SLIT3: variants seen among roughly 807,000 people sequenced by gnomAD.
SLIT3 encodes slit homolog 3 protein.
Under a neutral mutation model 184.0 loss-of-function variants are expected in SLIT3, and 68 were observed. That is an observed-to-expected ratio of 0.37 (90% CI 0.30 to 0.45). The LOEUF (loss-of-function observed/expected upper bound fraction) is 0.45. Among genes scored for constraint, SLIT3 ranks in the 20% least tolerant of loss-of-function variants. The pLI is 1.00. For synonymous variants in SLIT3, 831 were observed against 828.6 expected, an observed-to-expected ratio of 1.00 and a Z score of -0.05; for missense variants, 1,707 against 2,026.0, an observed-to-expected ratio of 0.84 and a Z score of 3.02.
At chr5:168,791,471 TTTA>T (rs1242406532) in intron 10 of SLIT3, 3 of 152,178 alleles carry the variant, frequency 2.0e-5, no homozygotes, top group Non-Finnish European at 2.9e-5. Flanking sequence ...TGTCTTTTTC[TTTA>T]TTATTATAAA....
intron 5 of SLIT3, among the ~76,000 whole-genome samples, chr5:168,857,226 A>C (rs537029130): frequency 2.0e-5 from 3 of 152,244 alleles, no homozygotes; most frequent in Non-Finnish European, 4.4e-5. Flanking sequence ...GAAATTTCTG[A>C]AGAAATTTCT....
intron 4 of SLIT3, among the ~76,000 whole-genome samples, chr5:169,154,766 T>A (rs1762242860): frequency 6.6e-6 from 1 of 152,236 alleles, no homozygotes; most frequent in Admixed American, 6.5e-5. Context: ...AGTTATTACC[T>A]TGGGTGGTGT....
chr5:168,819,480 G>A (rs1757450564), intron 7 of SLIT3, among the ~76,000 whole-genome samples: 1 of 152,210 alleles, frequency 6.6e-6, no homozygotes, highest in South Asian at 2.1e-4. Flanking sequence ...ACCTTTTAAT[G>A]AGCGTTTGGC....
chr5:169,203,021 G>C (rs1217175259), intron 3 of SLIT3, among the ~76,000 whole-genome samples: 3 of 152,116 alleles, frequency 2.0e-5, no homozygotes, highest in East Asian at 3.9e-4. Flanking sequence ...AGAAACGAAG[G>C]GGGTGAGGGA....
chr5:168,748,465 G>A (rs748497593), intron 19 of SLIT3, 31 bp from the exon 20 acceptor site: 4 of 1,505,834 alleles, frequency 2.7e-6, no homozygotes, highest in South Asian at 1.3e-5. Flanking sequence ...GGTGAGGGTT[G>A]TGGGAGATAA....
chr5:169,103,066 G>A lies in SLIT3; in HGVS notation c.413+90413C>T, dbSNP rs1002948454. On this transcript the variant is annotated intron_variant, in intron 4 of 35. Transcript: ENST00000519560. ...TTTTTTGAGTGATTACTTCATCCAC[G>A]CCCTACTCATGGTATTGTACATGCA... 3.3e-5 allele frequency among the ~76,000 whole-genome samples: 5 copies of A among 152,100 alleles called. No homozygotes were observed. In the South Asian group the frequency reaches 6.2e-4, roughly 19 times the overall value.
intron 20 of SLIT3, among the ~76,000 whole-genome samples, chr5:168,735,120 G>T (rs1393773017): frequency 6.6e-6 from 1 of 152,166 alleles, no homozygotes; most frequent in Non-Finnish European, 1.5e-5. Flanking sequence ...ACCAGCCTTA[G>T]AACTGCCGGA....
chr5:169,098,855 C>G (rs905231904), intron 4 of SLIT3, among the ~76,000 whole-genome samples: 1 of 152,084 alleles, frequency 6.6e-6, no homozygotes, highest in African/African-American at 2.4e-5. Context: ...CTTGAGAAGC[C>G]GGAGGAATTC....
At chr5:169,193,612 G>T in intron 3 of SLIT3, 62 bp from the exon 4 acceptor site, 1 of 1,216,326 alleles carries the variant, frequency 8.2e-7, no homozygotes, top group Non-Finnish European at 1.2e-6. Flanking sequence ...AACGTATTCA[G>T]ATACCACTTT....
intron 4 of SLIT3, among the ~76,000 whole-genome samples, chr5:168,990,885 G>A (rs1326748014): frequency 6.6e-6 from 1 of 152,182 alleles, no homozygotes. Flanking sequence ...GCTGCCACGA[G>A]TAACAGCAGC....
At chr5:168,721,478 G>A (rs1358815206) in intron 23 of SLIT3, among the ~76,000 whole-genome samples, 1 of 152,164 alleles carries the variant, frequency 6.6e-6, no homozygotes, top group East Asian at 1.9e-4. Context: ...CTGATTTTAT[G>A]GATGAGAAGA....
intron 4 of SLIT3, among the ~76,000 whole-genome samples, chr5:168,971,671 G>A (rs62377247): frequency 0.04 from 6,038 of 152,294 alleles, 156 homozygotes; most frequent in Middle Eastern, 0.065. Context: ...TATCTGTAGA[G>A]ACAAATGCAT....
rs549755971 is a variant in SLIT3, at chr5:169,198,201, G to A, written c.342-4651C>T. On this transcript the variant is annotated intron_variant, in intron 3 of 35. Coordinates refer to ENST00000519560, the MANE Select transcript of SLIT3 (RefSeq NM_003062.4). ...CTTCTTTTAAAAATGTCATATGCTA[G>A]TGAAGAAGACAGACCTGAAAACAAA... Among the ~76,000 whole-genome samples, 5 of 152,334 alleles carry A rather than the reference G, an allele frequency of 3.3e-5. No individual in the cohort carries two copies. In the South Asian group the frequency reaches 1.0e-3, roughly 32 times the overall value.
chr5:168,714,010 C>T (rs532693372), intron 23 of SLIT3, among the ~76,000 whole-genome samples: 1 of 152,314 alleles, frequency 6.6e-6, no homozygotes, highest in African/African-American at 2.4e-5. Context: ...ATCCTCATCA[C>T]CATCAGCTCC....
At chr5:168,893,524 A>G (rs1429192098) in intron 4 of SLIT3, among the ~76,000 whole-genome samples, 1 of 152,148 alleles carries the variant, frequency 6.6e-6, no homozygotes, top group Non-Finnish European at 1.5e-5. Flanking sequence ...AGGCAAATTC[A>G]TCTCAAGAAG....
chr5:168,666,663 G>GGACTACTTGTCCCAGGCAC lies in SLIT3; in HGVS notation c.4344_4362dup (p.Arg1455ValfsTer102). On this transcript the variant is annotated frameshift_variant, in exon 36 of 36. Transcript: ENST00000519560. LOFTEE classifies it high-confidence loss of function. ...CCTTTCTGGCGGCGGATCACCTCTC[G>GGACTACTTGTCCCAGGCAC]GACTACTTGTCCCAGGCACGGATTC... 6.2e-7 allele frequency: 1 copy of GGACTACTTGTCCCAGGCAC among 1,614,100 alleles called. No homozygotes were observed. Among genetic ancestry groups the GGACTACTTGTCCCAGGCAC allele is most frequent in the Non-Finnish European group, 8.5e-7 (1 of 1,180,026 alleles).
At chr5:168,844,489 G>T in intron 6 of SLIT3, 95 bp downstream of exon 6, 2 of 1,150,246 alleles carry the variant, frequency 1.7e-6, no homozygotes, top group Non-Finnish European at 2.6e-6. Flanking sequence ...AGACCCTCCT[G>T]CACACACTCT....
At chr5:169,084,309 A>G (rs1759193601) in intron 4 of SLIT3, among the ~76,000 whole-genome samples, 1 of 147,160 alleles carries the variant, frequency 6.8e-6, no homozygotes. Flanking sequence ...TTTTTGAGAC[A>G]GTTTCGCTCT....
intron 4 of SLIT3, among the ~76,000 whole-genome samples, chr5:169,179,832 G>A (rs551458215): frequency 6.6e-6 from 1 of 152,164 alleles, no homozygotes; most frequent in African/African-American, 2.4e-5. Flanking sequence ...GAGAGACCAG[G>A]TTCCTTCTCT....
Sources: allele counts gnomAD v4.1 joint callset (sites outside exome capture counted in the v4.1 genomes callset), GRCh38; gene constraint gnomAD v4.1.1; transcripts MANE v1.5; gene names NCBI Gene and HGNC (gene_info 2026-07-23, HGNC 2026-07-21).